TLK2: variants seen among roughly 807,000 people sequenced by gnomAD.
TLK2 encodes the protein serine/threonine-protein kinase tousled-like 2.
In TLK2, 6 loss-of-function variants were observed where a neutral mutation model predicts 117.3. That is an observed-to-expected ratio of 0.05 (90% CI 0.03 to 0.10). The LOEUF is 0.10. TLK2 is among the 10% of genes least tolerant of loss of function. The probability of loss-of-function intolerance (pLI) is 1.00; values close to 1 mark genes in which losing one functional copy is unlikely to be tolerated. For synonymous variants in TLK2, 257 were observed against 316.7 expected (o/e 0.81, Z 2.00); for missense variants, 299 against 901.2 (o/e 0.33, Z 8.56).
At chr17:62,560,810 T>C (rs999771905) in intron 10 of TLK2, among the ~76,000 whole-genome samples, 2 of 152,076 alleles carry the variant, frequency 1.3e-5, no homozygotes, top group Non-Finnish European at 2.9e-5. Flanking sequence ...TGCGCCACCA[T>C]GCCCGGCCAA....
intron 11 of TLK2, among the ~76,000 whole-genome samples, chr17:62,565,615 G>A (rs1237940865): frequency 7.6e-6 from 1 of 131,064 alleles, no homozygotes; most frequent in African/African-American, 3.0e-5. Flanking sequence ...TCGTACCACT[G>A]CACTCCAGCC....
At chr17:62,553,086 T>C (rs1433990751) in intron 8 of TLK2, among the ~76,000 whole-genome samples, 1 of 152,208 alleles carries the variant, frequency 6.6e-6, no homozygotes, top group African/African-American at 2.4e-5. Flanking sequence ...CTGGGTTTTC[T>C]TGAAGGCTCT....
rs143463790 is a variant in TLK2 at position 62,579,078 on chromosome 17, G to A, written c.1286+504G>A. On this transcript the variant is annotated intron_variant, in intron 14 of 21. Transcript: ENST00000346027. ...AACTGGGAAAAGTAGGTTGAAAGTA[G>A]AAAGGGGTTTTTATAAGTAATCTGT... 4.1e-4 allele frequency among the ~76,000 whole-genome samples: 63 copies of A among 152,302 alleles called. 1 individual carries two copies. In the East Asian group the frequency reaches 0.011, roughly 27 times the overall value.
intron 2 of TLK2, among the ~76,000 whole-genome samples, chr17:62,512,466 G>A (rs1198599558): frequency 1.3e-5 from 2 of 151,590 alleles, no homozygotes; most frequent in African/African-American, 4.8e-5. Flanking sequence ...CAGGTAATCC[G>A]CCTGCCTCAG....
rs2084046662 is a variant in TLK2 at position 62,615,369 on chromosome 17, A to G, written c.*2804A>G. ...TGTTGCCACAATGTTGATTTACTTT[A>G]CACAATGACAGTATGTATTAATTTG... On this transcript the variant is annotated 3_prime_UTR_variant, in exon 22 of 22. Transcript: ENST00000346027. 1.3e-5 allele frequency: 2 copies of G among 152,188 alleles called. No homozygotes were observed. Among genetic ancestry groups the G allele is most frequent in the Non-Finnish European group, 2.9e-5 (2 of 68,044 alleles). The allele number at this position is 152,188 out of a possible 1,614,324, so 9.4% of individuals were successfully genotyped here.
At chr17:62,590,438 G>T (rs566096792) in intron 16 of TLK2, among the ~76,000 whole-genome samples, 1 of 151,998 alleles carries the variant, frequency 6.6e-6, no homozygotes, top group Non-Finnish European at 1.5e-5. Context: ...GCGAGACTCC[G>T]TCTCAAAAAC....
intron 21 of TLK2, among the ~76,000 whole-genome samples, chr17:62,608,603 AT>A (rs1381817999): frequency 6.6e-6 from 1 of 152,208 alleles, no homozygotes; most frequent in Non-Finnish European, 1.5e-5. Flanking sequence ...AGACTGGGTA[AT>A]TTATAAAGGA....
At chr17:62,524,844 A>G (rs1394870282) in intron 6 of TLK2, among the ~76,000 whole-genome samples, 1 of 152,216 alleles carries the variant, frequency 6.6e-6, no homozygotes, top group Non-Finnish European at 1.5e-5. Flanking sequence ...TTTGCCCCTC[A>G]GGAACATTTG....
intron 2 of TLK2, among the ~76,000 whole-genome samples, chr17:62,518,797 T>C (rs922726353): frequency 3.9e-5 from 6 of 152,046 alleles, no homozygotes; most frequent in Non-Finnish European, 7.4e-5. Flanking sequence ...TGAAAATTAA[T>C]AATTTCTGTA....
At chr17:62,605,508 A>C (rs922648696) in intron 19 of TLK2, among the ~76,000 whole-genome samples, 4 of 151,804 alleles carry the variant, frequency 2.6e-5, no homozygotes, top group Admixed American at 6.6e-5. Flanking sequence ...AAGCAGCTGG[A>C]GCTACAGGGG....
intron 7 of TLK2, among the ~76,000 whole-genome samples, chr17:62,548,240 A>ATATGTGTGTGTGTGTG (rs368516607): frequency 4.0e-4 from 49 of 121,294 alleles, no homozygotes; most frequent in African/African-American, 1.3e-3. Flanking sequence ...ATATATATAT[A>ATATGTGTGTGTGTGTG]TGTGTGTGTG....
chr17:62,527,632 G>T (rs1293188360), intron 6 of TLK2, among the ~76,000 whole-genome samples: 1 of 151,760 alleles, frequency 6.6e-6, no homozygotes, highest in Non-Finnish European at 1.5e-5. Context: ...ATTTCATTGT[G>T]TATTTTATAG....
Position 62,590,169 on chromosome 17 carries a change from C to T in TLK2, c.1460+3943C>T, listed in dbSNP as rs183214394. Among the ~76,000 whole-genome samples the T allele has an allele frequency of 1.2e-3, 176 of 149,162 alleles. 1 individual carries two copies. The highest frequency in any genetic ancestry group is 3.5e-3 in the Middle Eastern group (1 of 282). On this transcript the variant is annotated intron_variant, in intron 16 of 21. Transcript: ENST00000346027. Reference sequence around the variant, plus strand: ...AGCACCGGCTGGGCACGGTGGCTCACGCCTGTAATCCCAGCACTTTGGGAG... The same window carrying T: ...AGCACCGGCTGGGCACGGTGGCTCATGCCTGTAATCCCAGCACTTTGGGAG...
intron 19 of TLK2, among the ~76,000 whole-genome samples, chr17:62,604,465 C>T (rs977420017): frequency 2.0e-5 from 3 of 152,096 alleles, no homozygotes. Context: ...TTACTCTCCT[C>T]TCAAAATCCT....
chr17:62,508,168 GTTTTT>G (rs34268998), intron 2 of TLK2, among the ~76,000 whole-genome samples: 1 of 125,760 alleles, frequency 8.0e-6, no homozygotes, highest in Non-Finnish European at 1.6e-5. Context: ...AAATTTCCTA[GTTTTT>G]TTTTTTTTTT....
chr17:62,538,041 T>TTG (rs1485877237), intron 7 of TLK2, among the ~76,000 whole-genome samples: 2 of 144,158 alleles, frequency 1.4e-5, no homozygotes, highest in African/African-American at 5.1e-5. Context: ...TTGTTTTTTT[T>TTG]TTTTTTTTTT....
intron 9 of TLK2, among the ~76,000 whole-genome samples, chr17:62,559,610 T>G (rs2079112180): frequency 6.6e-6 from 1 of 152,060 alleles, no homozygotes. Context: ...ACTCCTGACC[T>G]CAAGTCATCT....
intron 7 of TLK2, among the ~76,000 whole-genome samples, chr17:62,549,243 C>G (rs2078194631): frequency 6.9e-6 from 1 of 144,370 alleles, no homozygotes; most frequent in African/African-American, 2.5e-5. Context: ...AAAAAAAATA[C>G]AAAAAATTAC....
intron 16 of TLK2, among the ~76,000 whole-genome samples, chr17:62,586,928 G>C (rs1319402459): frequency 1.3e-5 from 2 of 151,962 alleles, no homozygotes; most frequent in African/African-American, 4.8e-5. Context: ...GAAGAGACTG[G>C]GGGCACCTGG....
Sources: gnomAD v4.1 joint callset for allele counts (sites outside exome capture counted in the v4.1 genomes callset) on GRCh38, gnomAD v4.1.1 for gene constraint, MANE v1.5 for transcripts, NCBI Gene and HGNC (gene_info 2026-07-23, HGNC 2026-07-21) for gene names.